The following MSI2 variants were observed in gnomAD, a reference collection of about 807,000 sequenced individuals.
The protein encoded by MSI2 is RNA-binding protein Musashi homolog 2.
Under a neutral mutation model 45.6 loss-of-function variants are expected in MSI2, and 17 were observed. The observed-to-expected ratio is 0.37, with a 90% confidence interval of 0.26 to 0.56. The LOEUF is 0.56. Ranked by LOEUF, MSI2 falls within the 20% of genes least tolerant of loss-of-function variation. The probability of loss-of-function intolerance (pLI) is 0.77; values close to 1 mark genes in which losing one functional copy is unlikely to be tolerated. For synonymous variants in MSI2, 156 were observed against 158.2 expected (o/e 0.99, Z 0.11); for missense variants, 293 against 444.2 (o/e 0.66, Z 3.06).
intron 6 of MSI2, among the ~76,000 whole-genome samples, chr17:57,441,455 T>C (rs757256576): frequency 1.3e-5 from 2 of 152,190 alleles, no homozygotes; most frequent in African/African-American, 2.4e-5. Flanking sequence ...GTAGATTTTT[T>C]TTCAAGAAGT....
At chr17:57,527,685 C>T (rs928002981) in intron 6 of MSI2, among the ~76,000 whole-genome samples, 23 of 152,194 alleles carry the variant, frequency 1.5e-4, no homozygotes, top group African/African-American at 5.3e-4. Context: ...TTTGTTCAGG[C>T]TTGGTTGCTT....
intron 7 of MSI2, among the ~76,000 whole-genome samples, chr17:57,578,562 A>G (rs1445136825): frequency 6.6e-6 from 1 of 152,004 alleles, no homozygotes; most frequent in Non-Finnish European, 1.5e-5. Flanking sequence ...CCAGGGGATG[A>G]GGGGAAGGGG....
intron 5 of MSI2, among the ~76,000 whole-genome samples, chr17:57,397,491 A>G (rs2143052443): frequency 6.6e-6 from 1 of 152,184 alleles, no homozygotes; most frequent in South Asian, 2.1e-4. Flanking sequence ...GAATTCGAGG[A>G]CCTCCATTTA....
At chr17:57,349,408 C>T (rs544443942) in intron 5 of MSI2, among the ~76,000 whole-genome samples, 9 of 152,294 alleles carry the variant, frequency 5.9e-5, no homozygotes, top group African/African-American at 2.2e-4. Flanking sequence ...GTGTGGTAAA[C>T]TCAAAGTTTT....
chr17:57,671,204 G>T (rs1045229395), intron 11 of MSI2, among the ~76,000 whole-genome samples: 1 of 152,196 alleles, frequency 6.6e-6, no homozygotes, highest in African/African-American at 2.4e-5. Flanking sequence ...CCATCCTAGA[G>T]CAGGGCTTGT....
intron 5 of MSI2, among the ~76,000 whole-genome samples, chr17:57,299,554 G>A (rs1911264850): frequency 6.6e-6 from 1 of 152,122 alleles, no homozygotes; most frequent in Non-Finnish European, 1.5e-5. Context: ...GCCGGTCAGT[G>A]GATCAGTTAG....
chr17:57,347,253 C>T (rs1400219172), intron 5 of MSI2, among the ~76,000 whole-genome samples: 1 of 152,172 alleles, frequency 6.6e-6, no homozygotes, highest in Admixed American at 6.5e-5. Flanking sequence ...GTGTTTCAGA[C>T]TAGCATTGTA....
At chr17:57,625,620 AGT>A (rs1908724180) in intron 9 of MSI2, 1 of 152,232 alleles carries the variant, frequency 6.6e-6, no homozygotes, top group Admixed American at 6.5e-5. Flanking sequence ...ACCCGTGGAA[AGT>A]GTCACTGTTG....
intron 5 of MSI2, among the ~76,000 whole-genome samples, chr17:57,346,451 T>G (rs1365323359): frequency 6.6e-6 from 1 of 152,062 alleles, no homozygotes; most frequent in African/African-American, 2.4e-5. Context: ...AGGCTGAGCC[T>G]TCCGGGGGTT....
At chr17:57,456,256 G>A (rs138307762) in intron 6 of MSI2, among the ~76,000 whole-genome samples, 1 of 152,332 alleles carries the variant, frequency 6.6e-6, no homozygotes, top group African/African-American at 2.4e-5. Context: ...ATGAGTCCAG[G>A]GCACTTGTAT....
intron 6 of MSI2, among the ~76,000 whole-genome samples, chr17:57,473,979 G>A (rs536883080): frequency 1.2e-4 from 19 of 152,102 alleles, no homozygotes; most frequent in African/African-American, 2.7e-4. Flanking sequence ...TGTTTTTTTC[G>A]GTTTTGTTTT....
At chr17:57,581,002 A>ATTTTTTTTT (rs1567914151) in intron 7 of MSI2, among the ~76,000 whole-genome samples, 4 of 58,244 alleles carry the variant, frequency 6.9e-5, no homozygotes, top group South Asian at 5.6e-4. Context: ...TGAGGTCAGC[A>ATTTTTTTTT]TCTTTTTTTT....
At chr17:57,493,530 T>C (rs1389740654) in intron 6 of MSI2, among the ~76,000 whole-genome samples, 1 of 151,764 alleles carries the variant, frequency 6.6e-6, no homozygotes, top group Non-Finnish European at 1.5e-5. Context: ...ATCCAGCCCA[T>C]ATGGGCACCG....
At chr17:57,477,064 G>T (rs559792838) in intron 6 of MSI2, among the ~76,000 whole-genome samples, 10 of 152,026 alleles carry the variant, frequency 6.6e-5, no homozygotes, top group Non-Finnish European at 1.3e-4. Context: ...ACCAAATTGA[G>T]CCTGGCCTTA....
At chr17:57,257,295 C>G (rs1309366174) in intron 2 of MSI2, among the ~76,000 whole-genome samples, 157 bp downstream of exon 2, 3 of 145,902 alleles carry the variant, frequency 2.1e-5, no homozygotes, top group Non-Finnish European at 4.5e-5. Context: ...TTTCTGAGCC[C>G]TCTATGCGAC....
the MSI2 span, among the ~76,000 whole-genome samples, chr17:57,696,040 C>T: frequency 3.3e-5 from 5 of 152,196 alleles, no homozygotes; most frequent in African/African-American, 1.2e-4. Flanking sequence ...CCTCCAGATA[C>T]AGCCACACTG....
intron 5 of MSI2, among the ~76,000 whole-genome samples, chr17:57,341,636 C>G (rs1342029314): frequency 7.9e-5 from 12 of 152,210 alleles, no homozygotes. Context: ...CAAGTGGTAG[C>G]ACTACGTAAA....
intron 5 of MSI2, among the ~76,000 whole-genome samples, chr17:57,323,050 C>T (rs1567756779): frequency 1.3e-5 from 2 of 151,910 alleles, no homozygotes; most frequent in Non-Finnish European, 2.9e-5. Context: ...TCGTGAGTGA[C>T]CCTGAGTGAT....
intron 7 of MSI2, among the ~76,000 whole-genome samples, chr17:57,562,882 G>A (rs572382652): frequency 3.7e-4 from 56 of 152,192 alleles, no homozygotes; most frequent in African/African-American, 1.3e-3. Flanking sequence ...CGGATCACCT[G>A]AGGTCAGGAG....
Sources: gnomAD v4.1 joint callset for allele counts (sites outside exome capture counted in the v4.1 genomes callset) on GRCh38, gnomAD v4.1.1 for gene constraint, MANE v1.5 for transcripts, NCBI Gene and HGNC (gene_info 2026-07-23, HGNC 2026-07-21) for gene names.